The following C8orf34 variants were observed in gnomAD, a reference collection of about 807,000 sequenced individuals.
The protein encoded by C8orf34 is uncharacterized protein C8orf34.
In C8orf34, 65 loss-of-function variants were observed where a neutral mutation model predicts 68.3. That is an observed-to-expected ratio of 0.95 (90% confidence interval 0.78 to 1.17). The LOEUF (loss-of-function observed/expected upper bound fraction) is 1.17. Ranked by LOEUF, C8orf34 falls within the 50% of genes most tolerant of loss-of-function variation. The pLI is 0.00. For synonymous variants in C8orf34, 244 were observed against 241.2 expected, an observed-to-expected ratio of 1.01 and a Z score of -0.11; for missense variants, 664 against 655.4, an observed-to-expected ratio of 1.01 and a Z score of -0.14.
intron 9 of C8orf34, among the ~76,000 whole-genome samples, chr8:68,713,164 A>G (rs1253189435): frequency 6.6e-6 from 1 of 152,158 alleles, no homozygotes; most frequent in Non-Finnish European, 1.5e-5. Context: ...TCTGGGATAC[A>G]GTAAAAGTAG....
intron 3 of C8orf34, among the ~76,000 whole-genome samples, chr8:68,461,597 C>G (rs1376570772): frequency 6.6e-6 from 1 of 152,166 alleles, no homozygotes; most frequent in African/African-American, 2.4e-5. Flanking sequence ...GATCTCTCGG[C>G]AGAAACTCTA....
chr8:68,476,221 A>T (rs1020396625), intron 4 of C8orf34, among the ~76,000 whole-genome samples: 1 of 152,230 alleles, frequency 6.6e-6, no homozygotes, highest in East Asian at 1.9e-4. Context: ...TCAAGCTTAC[A>T]TTTTAGTAGT....
intron 7 of C8orf34, among the ~76,000 whole-genome samples, chr8:68,576,695 T>C (rs1244084641): frequency 1.3e-5 from 2 of 152,062 alleles, no homozygotes; most frequent in Non-Finnish European, 2.9e-5. Context: ...TGGTCAAAAT[T>C]CATTCTTCTA....
chr8:68,587,583 A>G (rs1264153201), intron 7 of C8orf34, among the ~76,000 whole-genome samples: 1 of 152,142 alleles, frequency 6.6e-6, no homozygotes, highest in Admixed American at 6.6e-5. Flanking sequence ...TAAAAAATAT[A>G]GATTCAAGAA....
chr8:68,565,255 G>A (rs947605800), intron 7 of C8orf34, among the ~76,000 whole-genome samples: 2 of 152,106 alleles, frequency 1.3e-5, no homozygotes, highest in East Asian at 1.9e-4. Context: ...GAATTGGATC[G>A]TTGTTCTCCT....
intron 1 of C8orf34, among the ~76,000 whole-genome samples, chr8:68,434,124 T>G (rs1026221179): frequency 4.6e-5 from 7 of 152,228 alleles, no homozygotes; most frequent in Non-Finnish European, 7.3e-5. Context: ...TTGTATGCAT[T>G]TCTTTCCTTT....
chr8:68,655,337 A>T (rs1585680674), intron 8 of C8orf34, among the ~76,000 whole-genome samples: 1 of 152,304 alleles, frequency 6.6e-6, no homozygotes, highest in Non-Finnish European at 1.5e-5. Flanking sequence ...TAAGGCAATA[A>T]ATCTCTCAGT....
intron 10 of C8orf34, among the ~76,000 whole-genome samples, chr8:68,727,229 A>C (rs1488466815): frequency 6.6e-6 from 1 of 152,146 alleles, no homozygotes; most frequent in Non-Finnish European, 1.5e-5. Flanking sequence ...GCAAGTCCAA[A>C]ATCCAGCGGG....
At chr8:68,668,588 G>A (rs540285714) in intron 8 of C8orf34, among the ~76,000 whole-genome samples, 10 of 152,218 alleles carry the variant, frequency 6.6e-5, no homozygotes, top group South Asian at 4.2e-4. Context: ...GTAAAAGATC[G>A]GACAAGATGA....
intron 7 of C8orf34, among the ~76,000 whole-genome samples, chr8:68,556,294 CTTTTTTT>C (rs201095460): frequency 9.4e-6 from 1 of 105,884 alleles, no homozygotes; most frequent in Non-Finnish European, 2.1e-5. Context: ...AGGAGGGAAT[CTTTTTTT>C]TTTTTTTTTT....
At chr8:68,502,191 G>A (rs2129632646) in intron 5 of C8orf34, among the ~76,000 whole-genome samples, 1 of 152,248 alleles carries the variant, frequency 6.6e-6, no homozygotes, top group South Asian at 2.1e-4. Flanking sequence ...TCAGCCTCCT[G>A]AATAGCTGGG....
intron 7 of C8orf34, among the ~76,000 whole-genome samples, chr8:68,576,192 A>AT (rs1816901782): frequency 1.3e-5 from 2 of 151,530 alleles, no homozygotes; most frequent in Non-Finnish European, 2.9e-5. Context: ...CATCATCATC[A>AT]TTCTGTATGT....
intron 1 of C8orf34, among the ~76,000 whole-genome samples, chr8:68,418,121 T>C (rs577212225): frequency 6.8e-6 from 1 of 147,032 alleles, no homozygotes; most frequent in African/African-American, 2.6e-5. Flanking sequence ...ATAAGAATGC[T>C]TGTGATTTTT....
intron 7 of C8orf34, among the ~76,000 whole-genome samples, chr8:68,592,669 C>T (rs1366874444): frequency 2.3e-5 from 3 of 129,812 alleles, no homozygotes; most frequent in Non-Finnish European, 3.1e-5. Context: ...TGGCATGTGG[C>T]GTGATCTCGG....
chr8:68,516,641 TA>T (rs1463886854), intron 5 of C8orf34, among the ~76,000 whole-genome samples: 2 of 151,734 alleles, frequency 1.3e-5, no homozygotes, highest in Admixed American at 1.3e-4. Context: ...TTTATTTATT[TA>T]TTTATTTTTT....
intron 5 of C8orf34, among the ~76,000 whole-genome samples, chr8:68,488,699 A>G (rs1224063455): frequency 2.0e-5 from 3 of 152,126 alleles, no homozygotes; most frequent in Non-Finnish European, 4.4e-5. Context: ...GAAAAAATCA[A>G]ATTTGTCAGG....
At chr8:68,581,427 C>T (rs1446262853) in intron 7 of C8orf34, among the ~76,000 whole-genome samples, 1 of 151,946 alleles carries the variant, frequency 6.6e-6, no homozygotes, top group African/African-American at 2.4e-5. Context: ...GGTTTTATGG[C>T]CTGCTTCAGG....
At chr8:68,466,732 G>A (rs1238738845) in intron 3 of C8orf34, among the ~76,000 whole-genome samples, 1 of 68,338 alleles carries the variant, frequency 1.5e-5, no homozygotes, top group Non-Finnish European at 2.5e-5. Flanking sequence ...AATAAACAAC[G>A]TTGTACATAT....
chr8:68,719,485 G>A (rs1821607067), intron 9 of C8orf34, among the ~76,000 whole-genome samples: 1 of 151,852 alleles, frequency 6.6e-6, no homozygotes, highest in South Asian at 2.1e-4. Flanking sequence ...CTGTAAATGT[G>A]TTCAAGTAAA....
Sources: allele counts gnomAD v4.1 joint callset (sites outside exome capture counted in the v4.1 genomes callset), GRCh38; gene constraint gnomAD v4.1.1; transcripts MANE v1.5; gene names NCBI Gene and HGNC (gene_info 2026-07-23, HGNC 2026-07-21).